Variants in ITGA9 observed in about 807,000 individuals in gnomAD.
ITGA9 encodes the protein integrin alpha-9.
In ITGA9, 56 loss-of-function variants were observed where a neutral mutation model predicts 127.8. That is an observed-to-expected ratio of 0.44 (90% CI 0.35 to 0.55). ITGA9 has a LOEUF of 0.55. Ranked by LOEUF, ITGA9 falls within the 20% of genes least tolerant of loss-of-function variation. The pLI is 0.00. For missense variants in ITGA9, 1,196 were observed against 1,347.1 expected, an observed-to-expected ratio of 0.89 and a Z score of 1.76; for synonymous variants, 508 against 514.5, an observed-to-expected ratio of 0.99 and a Z score of 0.17.
chr3:37,472,280 A>C (rs1698441052), intron 2 of ITGA9, among the ~76,000 whole-genome samples: 1 of 152,232 alleles, frequency 6.6e-6, no homozygotes, highest in African/African-American at 2.4e-5. Context: ...AGGTGAGTAC[A>C]CAGAACTGTG....
At chr3:37,553,601 GT>G (rs1049961722) in intron 15 of ITGA9, among the ~76,000 whole-genome samples, 9 of 152,340 alleles carry the variant, frequency 5.9e-5, no homozygotes, top group Admixed American at 5.9e-4. Flanking sequence ...CTTTAAAGTG[GT>G]TTTCCAAAGT....
chr3:37,669,142 G>C (rs905588270), intron 17 of ITGA9, among the ~76,000 whole-genome samples: 1 of 152,174 alleles, frequency 6.6e-6, no homozygotes, highest in Non-Finnish European at 1.5e-5. Context: ...CAAAAATGAC[G>C]AGGCTGGGTG....
At chr3:37,517,637 C>A in intron 10 of ITGA9, 28 bp downstream of exon 10, 3 of 1,473,958 alleles carry the variant, frequency 2.0e-6, no homozygotes, top group Non-Finnish European at 2.8e-6. Flanking sequence ...GTGCACGGAG[C>A]CCCTCCAGGT....
rs548862900 is a variant in ITGA9, at chr3:37,696,464, T to C, written c.2067+12449T>C. Among the ~76,000 whole-genome samples, 3 of 152,362 alleles carry C rather than the reference T, an allele frequency of 2.0e-5. No individual in the cohort carries two copies. The East Asian group carries it at 5.8e-4, about 29-fold the overall frequency. ...GAAGCCATTTCAACGATGTTGTCAA[T>C]GTGTTTGGATTTCTGTCCTTCAACA... is the stretch of plus-strand genomic sequence containing the variant. On this transcript the variant is annotated intron_variant, in intron 18 of 27. Coordinates refer to ENST00000264741, the MANE Select transcript of ITGA9 (RefSeq NM_002207.3).
intron 4 of ITGA9, among the ~76,000 whole-genome samples, chr3:37,487,409 C>T (rs1401846386): frequency 6.6e-6 from 1 of 152,160 alleles, no homozygotes; most frequent in African/African-American, 2.4e-5. Context: ...TTCCAGGTTT[C>T]CTTGGAGCCA....
chr3:37,679,007 A>G (rs1035651691), intron 17 of ITGA9, among the ~76,000 whole-genome samples: 3 of 152,244 alleles, frequency 2.0e-5, no homozygotes, highest in Admixed American at 2.0e-4. Context: ...GCCAGCTGCT[A>G]TAAGATATAC....
At chr3:37,544,930 G>A (rs2125592103) in intron 15 of ITGA9, among the ~76,000 whole-genome samples, 1 of 152,342 alleles carries the variant, frequency 6.6e-6, no homozygotes, top group Non-Finnish European at 1.5e-5. Flanking sequence ...TACTGTCTGG[G>A]CTGTAGCAGA....
intron 13 of ITGA9, among the ~76,000 whole-genome samples, chr3:37,531,823 G>C (rs537148316): frequency 6.6e-6 from 1 of 152,226 alleles, no homozygotes; most frequent in Non-Finnish European, 1.5e-5. Context: ...GGTGCTGCAG[G>C]ATGGTGGGGC....
rs370277021 is a variant in ITGA9, at chr3:37,735,703, C to G, written c.2155-1201C>G. 9.9e-5 allele frequency among the ~76,000 whole-genome samples: 15 copies of G among 152,172 alleles called. 1 individual carries two copies. In the East Asian group the frequency reaches 2.5e-3, roughly 25 times the overall value. On this transcript the variant is annotated intron_variant, in intron 19 of 27. Coordinates refer to ENST00000264741, the MANE Select transcript of ITGA9 (RefSeq NM_002207.3). Reference sequence around the variant, plus strand: ...GGTTCCTCCCACATTCTCACACATGCCTGACATGTATATGGTGAACACCAT... The same window carrying G: ...GGTTCCTCCCACATTCTCACACATGGCTGACATGTATATGGTGAACACCAT...
chr3:37,470,078 G>T (rs1183042247), intron 1 of ITGA9, among the ~76,000 whole-genome samples: 1 of 150,640 alleles, frequency 6.6e-6, no homozygotes, highest in Non-Finnish European at 1.5e-5. Flanking sequence ...GAATTCTGTT[G>T]TATTGCTGTA....
chr3:37,737,027 A>T (rs764182063), intron 20 of ITGA9, 44 bp downstream of exon 20: 67 of 1,239,014 alleles, frequency 5.4e-5, no homozygotes, highest in Non-Finnish European at 7.4e-5. Context: ...TGAGAGATTT[A>T]TGGGACCAGG....
intron 15 of ITGA9, among the ~76,000 whole-genome samples, chr3:37,612,903 G>A (rs944604615): frequency 5.3e-5 from 8 of 151,920 alleles, no homozygotes; most frequent in Non-Finnish European, 1.2e-4. Flanking sequence ...ATGACCCTGA[G>A]GAGGCCTGGG....
At chr3:37,562,628 T>G (rs980527650) in intron 15 of ITGA9, among the ~76,000 whole-genome samples, 1 of 152,206 alleles carries the variant, frequency 6.6e-6, no homozygotes, top group Non-Finnish European at 1.5e-5. Flanking sequence ...GTCAGTATAA[T>G]CCTACCTCTT....
At chr3:37,765,988 C>T (rs923424382) in intron 23 of ITGA9, among the ~76,000 whole-genome samples, 7 of 152,156 alleles carry the variant, frequency 4.6e-5, no homozygotes, top group African/African-American at 9.7e-5. Context: ...CATGAATAGG[C>T]GTCAAAAGTT....
At chr3:37,511,385 T>C (rs906835596) in intron 8 of ITGA9, among the ~76,000 whole-genome samples, 1 of 152,230 alleles carries the variant, frequency 6.6e-6, no homozygotes, top group African/African-American at 2.4e-5. Context: ...TATTGAAGTT[T>C]TATTGAATTA....
intron 13 of ITGA9, among the ~76,000 whole-genome samples, chr3:37,529,787 A>G (rs2844362): frequency 0.59 from 88,952 of 151,942 alleles, 26,477 homozygotes; most frequent in East Asian, 0.82. Flanking sequence ...GCTGCTCCAG[A>G]GATGAGGGAT....
rs1490437386 is a variant in ITGA9, at chr3:37,822,151, T to G, written c.*3162T>G. ...TTCTCCCCTTCCTGCTTCCATGGTT[T>G]CACTGTGGAATCCTATAAGATATTC... On this transcript the variant is annotated 3_prime_UTR_variant, in exon 28 of 28. Transcript: ENST00000264741. 1.3e-5 allele frequency: 2 copies of G among 152,190 alleles called. No homozygotes were observed. The allele number at this position is 152,190 out of a possible 1,614,324, so 9.4% of individuals were successfully genotyped here.
At chr3:37,453,002 G>C (rs1441440713) in intron 1 of ITGA9, among the ~76,000 whole-genome samples, 3 of 152,208 alleles carry the variant, frequency 2.0e-5, no homozygotes, top group Non-Finnish European at 4.4e-5. Context: ...CCCGGTTTTG[G>C]GGAACCCCTG....
intron 16 of ITGA9, among the ~76,000 whole-genome samples, chr3:37,643,997 A>G (rs1411059774): frequency 6.6e-6 from 1 of 152,162 alleles, no homozygotes; most frequent in Non-Finnish European, 1.5e-5. Context: ...TCTTCTGACT[A>G]ATTAACAGCA....
Sources: allele counts gnomAD v4.1 joint callset (sites outside exome capture counted in the v4.1 genomes callset), GRCh38; gene constraint gnomAD v4.1.1; transcripts MANE v1.5; gene names NCBI Gene and HGNC (gene_info 2026-07-23, HGNC 2026-07-21).